MED12L: variants seen among roughly 807,000 people sequenced by gnomAD.
MED12L encodes the protein mediator complex subunit 12L, also known as mediator of RNA polymerase II transcription subunit 12-like protein.
In MED12L, 60 loss-of-function variants were observed where a neutral mutation model predicts 281.3. The observed-to-expected ratio is 0.21, with a 90% confidence interval of 0.17 to 0.26. MED12L has a LOEUF of 0.26. Ranked by LOEUF, MED12L falls within the 10% of genes least tolerant of loss-of-function variation. The pLI is 1.00. For synonymous variants in MED12L, 974 were observed against 987.2 expected, an observed-to-expected ratio of 0.99 and a Z score of 0.25; for missense variants, 2,146 against 2,680.9, an observed-to-expected ratio of 0.80 and a Z score of 4.41.
At chr3:151,281,046 A>G (rs73023051) in intron 16 of MED12L, among the ~76,000 whole-genome samples, 6,591 of 151,932 alleles carry the variant, frequency 0.043, 464 homozygotes, top group African/African-American at 0.15. Context: ...ATGTTTGAAA[A>G]AATATTTTAG....
chr3:151,339,066 G>C (rs572879035), intron 16 of MED12L, among the ~76,000 whole-genome samples: 1 of 152,244 alleles, frequency 6.6e-6, no homozygotes, highest in East Asian at 1.9e-4. Context: ...GAAATGATCT[G>C]AAGTACAATA....
chr3:151,354,064 C>A (rs1196802220), intron 17 of MED12L, among the ~76,000 whole-genome samples: 3 of 140,924 alleles, frequency 2.1e-5, no homozygotes, highest in Non-Finnish European at 4.6e-5. Context: ...TGGCGTGAAC[C>A]CGGGAGGCGG....
chr3:151,229,956 G>T (rs1376109580), intron 16 of MED12L, among the ~76,000 whole-genome samples: 1 of 151,836 alleles, frequency 6.6e-6, no homozygotes, highest in African/African-American at 2.4e-5. Context: ...CACATGTTGG[G>T]ATCTGTTTTT....
At chr3:151,421,629 G>A (rs1171739651) in intron 43 of MED12L, among the ~76,000 whole-genome samples, 1 of 151,978 alleles carries the variant, frequency 6.6e-6, no homozygotes, top group African/African-American at 2.4e-5. Context: ...CAGGTGTCTC[G>A]AACTCCTGAC....
At chr3:151,215,282 G>A (rs1480882496) in intron 16 of MED12L, among the ~76,000 whole-genome samples, 4 of 152,116 alleles carry the variant, frequency 2.6e-5, no homozygotes, top group Non-Finnish European at 4.4e-5. Context: ...TGGGTATTGA[G>A]CACTTGAAAT....
chr3:151,121,268 G>T (rs1477183455), intron 3 of MED12L, among the ~76,000 whole-genome samples: 1 of 152,054 alleles, frequency 6.6e-6, no homozygotes, highest in Non-Finnish European at 1.5e-5. Flanking sequence ...GCAAATATTT[G>T]CTTTGAAAGA....
chr3:151,323,900 G>C (rs370465404), intron 16 of MED12L, among the ~76,000 whole-genome samples: 17 of 152,318 alleles, frequency 1.1e-4, no homozygotes, highest in African/African-American at 3.8e-4. Context: ...TGCCACTATT[G>C]CACCATTCAT....
chr3:151,385,589 C>T (rs1315498602), intron 36 of MED12L, among the ~76,000 whole-genome samples: 1 of 151,842 alleles, frequency 6.6e-6, no homozygotes, highest in African/African-American at 2.4e-5. Flanking sequence ...TTAGTTCCAG[C>T]TACTTGGGAG....
intron 5 of MED12L, among the ~76,000 whole-genome samples, chr3:151,149,568 C>G (rs1718185643): frequency 6.6e-6 from 1 of 152,052 alleles, no homozygotes; most frequent in Admixed American, 6.5e-5. Context: ...TAGGTGGTGG[C>G]TGCTGGAGGT....
At chr3:151,340,181 C>T (rs1751630915) in intron 16 of MED12L, among the ~76,000 whole-genome samples, 1 of 152,086 alleles carries the variant, frequency 6.6e-6, no homozygotes, top group East Asian at 1.9e-4. Flanking sequence ...TGATTTTAAC[C>T]TTTCCTGCTA....
At chr3:151,100,673 G>C (rs1316061343) in intron 2 of MED12L, among the ~76,000 whole-genome samples, 1 of 152,124 alleles carries the variant, frequency 6.6e-6, no homozygotes, top group Admixed American at 6.5e-5. Context: ...AGTCAGAGTT[G>C]TTTTTACTCT....
chr3:151,312,567 C>G (rs1339077454), intron 16 of MED12L, among the ~76,000 whole-genome samples: 2 of 152,130 alleles, frequency 1.3e-5, no homozygotes, highest in African/African-American at 4.8e-5. Context: ...GAGAGTTTCT[C>G]TGGTGGTCAA....
chr3:151,226,023 TG>T (rs1478968340), intron 16 of MED12L, among the ~76,000 whole-genome samples: 17 of 152,302 alleles, frequency 1.1e-4, no homozygotes, highest in Non-Finnish European at 1.9e-4. Context: ...CGTCAGAACA[TG>T]CTGCCATGCC....
intron 33 of MED12L, among the ~76,000 whole-genome samples, chr3:151,383,422 C>G (rs1217484261): frequency 6.6e-6 from 1 of 152,172 alleles, no homozygotes; most frequent in African/African-American, 2.4e-5. Context: ...CACAAAGATG[C>G]AGATAATTGG....
At chr3:151,294,055 T>C (rs1171921902) in intron 16 of MED12L, 3 of 723,604 alleles carry the variant, frequency 4.1e-6, no homozygotes, top group Admixed American at 4.9e-5. Context: ...ATGACCCCAT[T>C]TCATATCATT....
intron 39 of MED12L, among the ~76,000 whole-genome samples, chr3:151,395,972 G>C (rs908734203): frequency 6.6e-6 from 1 of 152,206 alleles, no homozygotes; most frequent in African/African-American, 2.4e-5. Context: ...ATAAGGACAA[G>C]AGAGAAGAAA....
At chr3:151,098,263 C>T (rs926060984) in intron 2 of MED12L, among the ~76,000 whole-genome samples, 6 of 152,164 alleles carry the variant, frequency 3.9e-5, no homozygotes, top group Non-Finnish European at 5.9e-5. Context: ...GGGACAGTGC[C>T]TCTGAGGGTC....
At chr3:151,264,772 TG>T (rs1183920402) in intron 16 of MED12L, among the ~76,000 whole-genome samples, 1 of 152,092 alleles carries the variant, frequency 6.6e-6, no homozygotes, top group Non-Finnish European at 1.5e-5. Flanking sequence ...AGTGCGTGTG[TG>T]TGTATGTGTG....
chr3:151,205,580 G>A (rs770909543), intron 16 of MED12L, among the ~76,000 whole-genome samples: 4 of 152,152 alleles, frequency 2.6e-5, no homozygotes, highest in Non-Finnish European at 5.9e-5. Flanking sequence ...GAAAGCAAAT[G>A]TTGGGGTCGG....
Sources: gnomAD v4.1 joint callset for allele counts (sites outside exome capture counted in the v4.1 genomes callset) on GRCh38, gnomAD v4.1.1 for gene constraint, MANE v1.5 for transcripts, NCBI Gene and HGNC (gene_info 2026-07-23, HGNC 2026-07-21) for gene names.